LHPP: variants seen among roughly 807,000 people sequenced by gnomAD.
LHPP encodes hLHPP.
A neutral mutation model predicts 30.3 loss-of-function variants in LHPP; 24 were observed. The observed-to-expected ratio is 0.79, with a 90% confidence interval of 0.57 to 1.11. LHPP has a LOEUF of 1.11. Ranked by LOEUF, LHPP falls within the 50% of genes most tolerant of loss-of-function variation. The pLI, the probability that LHPP is intolerant of heterozygous loss-of-function variation, is 0.00. For missense variants in LHPP, 356 were observed against 367.2 expected (o/e 0.97, Z 0.25); for synonymous variants, 150 against 157.1 (o/e 0.95, Z 0.34).
chr10:124,609,870 G>T (rs762411559), intron 6 of LHPP, among the ~76,000 whole-genome samples: 2 of 152,214 alleles, frequency 1.3e-5, no homozygotes, highest in Non-Finnish European at 2.9e-5. Context: ...CAATTCTGCC[G>T]TGGTCTGTTT....
intron 6 of LHPP, among the ~76,000 whole-genome samples, chr10:124,612,194 A>C (rs1353143463): frequency 6.6e-6 from 1 of 152,206 alleles, no homozygotes; most frequent in African/African-American, 2.4e-5. Flanking sequence ...ACTTGAGGTC[A>C]GGAGTCGGAG....
intron 5 of LHPP, among the ~76,000 whole-genome samples, chr10:124,514,841 G>A (rs934808640): frequency 5.4e-5 from 8 of 149,142 alleles, no homozygotes; most frequent in African/African-American, 9.9e-5. Context: ...TTGCTCTGTC[G>A]CTCAGGCTGG....
At position 124,496,029 on chromosome 10, in the gene LHPP, C is replaced by T. The variant is rs548472708; in HGVS notation, c.468-932C>T. ...GTTTTCTGCATACGTGCTTTCTCCA[C>T]GTCTCCCATATCGTAAGGGCATGGC... is the stretch of plus-strand genomic sequence containing the variant. On this transcript the variant is annotated intron_variant, in intron 3 of 6. Coordinates refer to ENST00000368842, the MANE Select transcript of LHPP (RefSeq NM_022126.4). The surrounding 1 kb of genome is among the most constrained non-coding windows in gnomAD (Gnocchi z 4.3). 6.8e-4 allele frequency among the ~76,000 whole-genome samples: 103 copies of T among 152,328 alleles called. No individual in the cohort carries two copies. Among genetic ancestry groups the T allele is most frequent in the African/African-American group, 2.3e-3 (94 of 41,574 alleles).
At chr10:124,600,209 G>C (rs1456376449) in intron 6 of LHPP, among the ~76,000 whole-genome samples, 2 of 152,234 alleles carry the variant, frequency 1.3e-5, no homozygotes, top group African/African-American at 2.4e-5. Context: ...CGCAGTGATG[G>C]GTCCCCTGTC....
rs1949232831 is a variant in LHPP at position 124,613,678 on chromosome 10, A to C, written c.*318A>C. 3 of 437,276 alleles carry C rather than the reference A, an allele frequency of 6.9e-6. No homozygotes were observed. The Admixed American group carries it at 1.1e-4, about 16-fold the overall frequency. 27.1% of individuals were successfully genotyped at this position (437,276 alleles called of 1,614,324 possible). On this transcript the variant is annotated 3_prime_UTR_variant, in exon 7 of 7. Transcript: ENST00000368842. ...GGGACAGGCCTGTCAGGCCTCTGGG[A>C]ATCTCCCAAATCCCAGAACTCACCA...
At chr10:124,466,820 C>A (rs542373329) in intron 1 of LHPP, among the ~76,000 whole-genome samples, 2 of 150,856 alleles carry the variant, frequency 1.3e-5, no homozygotes, top group African/African-American at 4.8e-5. Context: ...TATTACAATT[C>A]AAATATTAAA....
At chr10:124,479,619 G>A (rs1423205442) in intron 1 of LHPP, among the ~76,000 whole-genome samples, 10 of 152,196 alleles carry the variant, frequency 6.6e-5, no homozygotes, top group Non-Finnish European at 2.9e-5. Context: ...GCAGGTGCCG[G>A]CTTGCTGTGT....
chr10:124,544,322 G>A (rs1461596960), intron 6 of LHPP, among the ~76,000 whole-genome samples: 1 of 152,242 alleles, frequency 6.6e-6, no homozygotes, highest in East Asian at 1.9e-4. Context: ...GAGGGACTGT[G>A]CTCCCCAGAA....
rs1175268363 is a variant in LHPP at position 124,523,720 on chromosome 10, G to A, written c.716+6449G>A. On this transcript the variant is annotated intron_variant, in intron 6 of 6. Transcript: ENST00000368842. This position sits in a 1 kb window ranked among gnomAD's most constrained non-coding sequence, Gnocchi z 4.2. ...CAGGACCCTCCTGCTGCCCTCCTGT[G>A]TAAACAGACCAGCCAGGGCAATCCG... 6.6e-6 allele frequency among the ~76,000 whole-genome samples: 1 copy of A among 152,186 alleles called. No homozygotes were observed. Among genetic ancestry groups the A allele is most frequent in the Non-Finnish European group, 1.5e-5 (1 of 68,024 alleles).
intron 6 of LHPP, among the ~76,000 whole-genome samples, chr10:124,572,358 C>T (rs1470525353): frequency 2.0e-5 from 3 of 151,856 alleles, no homozygotes; most frequent in Non-Finnish European, 4.4e-5. Flanking sequence ...AGACCAGGTG[C>T]GGTGGCTCAC....
chr10:124,576,398 G>A lies in LHPP; in HGVS notation c.717-36866G>A, dbSNP rs186497548. 8.3e-4 allele frequency among the ~76,000 whole-genome samples: 123 copies of A among 148,066 alleles called. 1 individual carries two copies. The highest frequency in any genetic ancestry group is 2.4e-3 in the African/African-American group (95 of 39,944). ...CCCCAGGACCCCCCTTGCGGTACCC[G>A]TATATCCCACCCCCAGACTCCTTTC... On this transcript the variant is annotated intron_variant, in intron 6 of 6. Transcript: ENST00000368842. This position sits in a 1 kb window ranked among gnomAD's most constrained non-coding sequence, Gnocchi z 4.2.
At chr10:124,481,400 A>G (rs1300597223) in intron 1 of LHPP, among the ~76,000 whole-genome samples, 2 of 109,880 alleles carry the variant, frequency 1.8e-5, no homozygotes, top group Non-Finnish European at 3.7e-5. Context: ...TTTTTGCGAC[A>G]GAGTCTCACT....
chr10:124,555,505 G>A (rs1387279832), intron 6 of LHPP, among the ~76,000 whole-genome samples: 2 of 151,616 alleles, frequency 1.3e-5, no homozygotes, highest in Non-Finnish European at 2.9e-5. Context: ...CTGTGTCCCC[G>A]TCTGATCTCC....
At chr10:124,585,290 GT>G (rs1415401253) in intron 6 of LHPP, among the ~76,000 whole-genome samples, 1 of 152,160 alleles carries the variant, frequency 6.6e-6, no homozygotes, top group African/African-American at 2.4e-5. Context: ...CTGCATTCCT[GT>G]TAGATTTTTT....
rs376614424 is a variant in LHPP at position 124,496,937 on chromosome 10, G to A, written c.468-24G>A. The A allele has an allele frequency of 6.2e-6, 10 of 1,607,818 alleles. No individual in the cohort carries two copies. Among genetic ancestry groups the A allele is most frequent in the African/African-American group, 5.4e-5 (4 of 74,592 alleles). On this transcript the variant is annotated intron_variant, in intron 3 of 6. Coordinates refer to ENST00000368842, the MANE Select transcript of LHPP (RefSeq NM_022126.4). This position sits in a 1 kb window ranked among gnomAD's most constrained non-coding sequence, Gnocchi z 4.3. ...GTCAGCTCCCCGTGCTCAGCATCCC[G>A]TGCTCCGTTCTGCTCTCTCCTAGGC...
intron 6 of LHPP, among the ~76,000 whole-genome samples, chr10:124,558,431 G>A (rs958761978): frequency 5.3e-5 from 8 of 152,242 alleles, no homozygotes; most frequent in Non-Finnish European, 7.3e-5. Flanking sequence ...AGGTCCCACC[G>A]GCAAGGGGCT....
intron 6 of LHPP, among the ~76,000 whole-genome samples, chr10:124,586,108 T>C (rs947612301): frequency 6.6e-6 from 1 of 152,204 alleles, no homozygotes; most frequent in Non-Finnish European, 1.5e-5. Flanking sequence ...TAAAACAACA[T>C]TGTGTAGGAA....
chr10:124,463,231 T>TAA (rs1564760747), intron 1 of LHPP, among the ~76,000 whole-genome samples: 5 of 148,738 alleles, frequency 3.4e-5, no homozygotes, highest in Non-Finnish European at 7.5e-5. Flanking sequence ...CTTTTTTTTT[T>TAA]AACTTTTGTT....
intron 1 of LHPP, among the ~76,000 whole-genome samples, chr10:124,462,542 C>T (rs763035531): frequency 2.6e-5 from 4 of 152,152 alleles, no homozygotes; most frequent in Non-Finnish European, 5.9e-5. Flanking sequence ...CTACAGTGAG[C>T]TGTGATCACC....
Sources: allele counts gnomAD v4.1 joint callset (sites outside exome capture counted in the v4.1 genomes callset), GRCh38; gene constraint gnomAD v4.1.1; non-coding constraint Gnocchi (gnomAD v3.1); transcripts MANE v1.5; gene names NCBI Gene and HGNC (gene_info 2026-07-23, HGNC 2026-07-21).